The following AHCTF1 variants were observed in gnomAD, a reference collection of about 807,000 sequenced individuals.
The protein encoded by AHCTF1 is protein ELYS.
In AHCTF1, 24 loss-of-function variants were observed where a neutral mutation model predicts 248.4. The observed-to-expected ratio is 0.10, with a 90% CI of 0.07 to 0.14. The LOEUF (loss-of-function observed/expected upper bound fraction) is 0.14, where lower values mean the gene tolerates loss of function less well. Among genes scored for constraint, AHCTF1 ranks in the 10% least tolerant of loss-of-function variants. The pLI, the probability that AHCTF1 is intolerant of heterozygous loss-of-function variation, is 1.00. For synonymous variants in AHCTF1, 786 were observed against 929.8 expected (o/e 0.85, Z 2.81); for missense variants, 2,206 against 2,636.2 (o/e 0.84, Z 3.57).
intron 21 of AHCTF1, among the ~76,000 whole-genome samples, chr1:246,880,567 C>CAAA (rs370055569): frequency 9.2e-5 from 5 of 54,482 alleles, no homozygotes; most frequent in South Asian, 6.5e-4. Flanking sequence ...GACTCCAGCT[C>CAAA]AAAAAAAAAA....
chr1:246,901,309 C>A (rs1157823925), intron 8 of AHCTF1, among the ~76,000 whole-genome samples: 1 of 151,224 alleles, frequency 6.6e-6, no homozygotes, highest in Non-Finnish European at 1.5e-5. Flanking sequence ...CAAGTGCACT[C>A]CAGCCTGGGC....
chr1:246,908,294 A>G (rs1485750444), intron 4 of AHCTF1, among the ~76,000 whole-genome samples: 3 of 144,642 alleles, frequency 2.1e-5, no homozygotes, highest in Non-Finnish European at 4.5e-5. Context: ...CACATTAAAT[A>G]TGCCAAACCT....
At chr1:246,868,122 C>T (rs74564494) in intron 24 of AHCTF1, among the ~76,000 whole-genome samples, 5,300 of 148,688 alleles carry the variant, frequency 0.036, 326 homozygotes, top group African/African-American at 0.13. Flanking sequence ...CCACCAAGCC[C>T]GGCTAATTTT....
intron 21 of AHCTF1, among the ~76,000 whole-genome samples, chr1:246,881,257 G>T (rs1663383169): frequency 6.6e-6 from 1 of 151,994 alleles, no homozygotes; most frequent in African/African-American, 2.4e-5. Context: ...TTTTAAAAAA[G>T]AACAAATTAA....
intron 1 of AHCTF1, among the ~76,000 whole-genome samples, chr1:246,928,948 T>C (rs1235605042): frequency 6.6e-6 from 1 of 152,228 alleles, no homozygotes; most frequent in East Asian, 1.9e-4. Flanking sequence ...AGTAAAGGAA[T>C]GCAAGGTCAA....
chr1:246,922,982 C>CAAAA (rs34313695), intron 1 of AHCTF1, among the ~76,000 whole-genome samples: 3 of 63,936 alleles, frequency 4.7e-5, no homozygotes, highest in East Asian at 4.8e-4. Flanking sequence ...GACTCTGTCT[C>CAAAA]AAAAAAAAAA....
At chr1:246,889,820 A>G (rs989910431) in intron 17 of AHCTF1, 146 bp downstream of exon 17, 4 of 533,362 alleles carry the variant, frequency 7.5e-6, no homozygotes, top group Admixed American at 3.5e-5. Flanking sequence ...TTTTTTAAAA[A>G]AGAGAAATAA....
At chr1:246,892,497 T>C (rs1334551486) in intron 14 of AHCTF1, among the ~76,000 whole-genome samples, 4 of 151,884 alleles carry the variant, frequency 2.6e-5, no homozygotes, top group South Asian at 4.1e-4. Flanking sequence ...ATTTTTGTAT[T>C]TTTAGTAAAG....
chr1:246,845,347 A>G (rs182659630), intron 33 of AHCTF1, among the ~76,000 whole-genome samples: 1 of 149,490 alleles, frequency 6.7e-6, no homozygotes, highest in Non-Finnish European at 1.5e-5. Flanking sequence ...GTAGGTGTAT[A>G]TATAAGCATA....
intron 3 of AHCTF1, among the ~76,000 whole-genome samples, chr1:246,915,056 G>C (rs1248782952): frequency 4.6e-5 from 7 of 152,234 alleles, no homozygotes; most frequent in African/African-American, 1.7e-4. Context: ...CACTGGCCGG[G>C]CGTGGTGGCT....
intron 14 of AHCTF1, 21 bp downstream of exon 14, chr1:246,894,638 A>T: frequency 6.3e-7 from 1 of 1,579,232 alleles, no homozygotes; most frequent in Non-Finnish European, 8.7e-7. Context: ...TCTGTCCTAC[A>T]TCTAGACCTC....
chr1:246,848,398 T>C (rs907019584), intron 33 of AHCTF1, among the ~76,000 whole-genome samples: 1 of 150,906 alleles, frequency 6.6e-6, no homozygotes, highest in Non-Finnish European at 1.5e-5. Flanking sequence ...GTATTTTTTT[T>C]AGTAGTGTTA....
intron 11 of AHCTF1, among the ~76,000 whole-genome samples, chr1:246,899,025 GT>G (rs1386436827): frequency 6.6e-6 from 1 of 152,196 alleles, no homozygotes; most frequent in Non-Finnish European, 1.5e-5. Context: ...GGTGGCAGAG[GT>G]TGCAATGAGC....
intron 1 of AHCTF1, among the ~76,000 whole-genome samples, chr1:246,929,146 C>T (rs575871414): frequency 2.6e-5 from 4 of 152,274 alleles, no homozygotes; most frequent in Admixed American, 1.3e-4. Context: ...CGGTGGTTCA[C>T]GCCTGTAATC....
Position 246,888,191 on chromosome 1 carries a change from C to G in AHCTF1, c.2311G>C (p.Ala771Pro), listed in dbSNP as rs763940327. The change falls in exon 19 of 36, where the codon GCC becomes CCC. Residue 771 changes from alanine to proline, a missense_variant. By Grantham distance (27) the Ala-to-Pro change is conservative. Coordinates refer to ENST00000648844, the MANE Select transcript of AHCTF1 (RefSeq NM_001323342.2). ...MYLLDGVTEA[A>P]KHSITIYLLL... ...TAAAAGGATACAATAGAGTGTTTGG[C>G]TGCTTCAGTAACGCCGTCTAATAGG... 6.2e-7 allele frequency: 1 copy of G among 1,613,898 alleles called. No individual in the cohort carries two copies. Among genetic ancestry groups the G allele is most frequent in the Non-Finnish European group, 8.5e-7 (1 of 1,179,944 alleles).
chr1:246,868,232 G>C (rs1456051095), intron 24 of AHCTF1, among the ~76,000 whole-genome samples: 1 of 151,628 alleles, frequency 6.6e-6, no homozygotes, highest in African/African-American at 2.4e-5. Context: ...AGACTCAAGT[G>C]ATTTTCCTGC....
At chr1:246,862,867 A>G (rs1291939017) in intron 27 of AHCTF1, among the ~76,000 whole-genome samples, 6 of 152,254 alleles carry the variant, frequency 3.9e-5, no homozygotes, top group Admixed American at 6.5e-5. Flanking sequence ...AAGATTTCGT[A>G]TAATGAATAC....
intron 24 of AHCTF1, among the ~76,000 whole-genome samples, chr1:246,869,055 AG>A (rs1662323422): frequency 6.6e-6 from 1 of 151,646 alleles, no homozygotes. Context: ...CATGTTGGCC[AG>A]GATGGTCTCG....
Position 246,895,869 on chromosome 1 carries a change from A to C in AHCTF1, c.1680T>G (p.Leu560=). 6.2e-7 allele frequency: 1 copy of C among 1,613,410 alleles called. No homozygotes were observed. The highest frequency in any genetic ancestry group is 8.5e-7 in the Non-Finnish European group (1 of 1,179,604). The change falls in exon 13 of 36, where the codon CTT becomes CTG. Residue 560 remains leucine, a synonymous_variant. Transcript: ENST00000648844. ...TCCATCTTCGGATATAACCAGTCAA[A>C]AGTCCCAGGGAACTAGTCTGAATTG... ...SAAIQTSSLG[L]LTGYIRRWIT...
Sources: gnomAD v4.1 joint callset for allele counts (sites outside exome capture counted in the v4.1 genomes callset) on GRCh38, gnomAD v4.1.1 for gene constraint, MANE v1.5 for transcripts, NCBI Gene and HGNC (gene_info 2026-07-23, HGNC 2026-07-21) for gene names.